The following OR5B21 variants were observed in gnomAD, a reference collection of about 807,000 sequenced individuals.
The protein encoded by OR5B21 is olfactory receptor family 5 subfamily B member 21.
For synonymous variants in OR5B21, 151 were observed against 143.3 expected, an observed-to-expected ratio of 1.05 and a Z score of -0.38; for missense variants, 372 against 375.7, an observed-to-expected ratio of 0.99 and a Z score of 0.08.
In OR5B21 at chr11:58,507,976, T is replaced by C. The variant is rs1853074524; in HGVS notation, c.130A>G (p.Met44Val). 1 of 1,614,064 alleles carries C rather than the reference T, an allele frequency of 6.2e-7. No homozygotes were observed. Among genetic ancestry groups the C allele is most frequent in the Non-Finnish European group, 8.5e-7 (1 of 1,179,990 alleles). ...TGGGAGTCTGAGTGGATGATCACCATCATTCCCCCATTCCCAAGCAGGGTG... is the reference window on the plus strand; with the variant it reads ...TGGGAGTCTGAGTGGATGATCACCACCATTCCCCCATTCCCAAGCAGGGTG... ...LITLLGNGGM[M>V]VIIHSDSHLH... Residue 44 changes from methionine to valine, a missense_variant, in exon 1 of 1, where the codon ATG (methionine) becomes GTG (valine). Coordinates refer to ENST00000360374, the MANE Select transcript of OR5B21 (RefSeq NM_001005218.3).
At position 58,507,983 on chromosome 11, in the gene OR5B21, C is replaced by T. The variant is rs1442115638; in HGVS notation, c.123G>A (p.Gly41=). The change falls in exon 1 of 1, where the codon GGG becomes GGA. Residue 41 remains glycine (G), a synonymous_variant. Transcript: ENST00000360374. ...FIYLITLLGN[G]GMMVIIHSDS... ...CTGAGTGGATGATCACCATCATTCC[C>T]CCATTCCCAAGCAGGGTGATGAGGT... The T allele has an allele frequency of 1.9e-6, 3 of 1,613,876 alleles. No individual in the cohort carries two copies. The highest frequency in any genetic ancestry group is 1.7e-6 in the Non-Finnish European group (2 of 1,179,986).
Position 58,507,756 on chromosome 11 carries a change from G to A in OR5B21, c.350C>T (p.Ala117Val), listed in dbSNP as rs1853069961. The A allele has an allele frequency of 6.2e-7, 1 of 1,614,148 alleles. No individual in the cohort carries two copies. The highest frequency in any genetic ancestry group is 8.5e-7 in the Non-Finnish European group (1 of 1,180,022). ...ACATACCGCTGCATGGCGATCATAG[G>A]CCATGGAGGCCAGGAGGTAGCACTC... ...TVECYLLASM[A>V]YDRHAAVCRP... The change falls in exon 1 of 1, where the codon GCC becomes GTC. Residue 117 changes from alanine (A) to valine (V), a missense_variant. Ala to Val is a moderately conservative substitution (Grantham distance 64). Transcript: ENST00000360374.
rs149670543 is a variant in OR5B21, at chr11:58,507,423, G to C, written c.683C>G (p.Ala228Gly). The C allele has an allele frequency of 5.6e-6, 9 of 1,614,104 alleles. No individual in the cohort carries two copies. Among genetic ancestry groups the C allele is most frequent in the Admixed American group, 1.7e-5 (1 of 59,994 alleles). The change falls in exon 1 of 1, where the codon GCT becomes GGT. Residue 228 changes from alanine (A) to glycine (G), a missense_variant. Coordinates refer to ENST00000360374, the MANE Select transcript of OR5B21 (RefSeq NM_001005218.3). The stretch of plus-strand genomic sequence containing the variant: ...GGAGAAGACTTTCTTCTGCCCTTCA[G>C]CAGAATGCATCCTCTGAATGGTGAT... The part of the protein sequence containing the change: ...ICITIQRMHS[A>G]EGQKKVFSTC...
At position 58,507,502 on chromosome 11, in the gene OR5B21, A is replaced by C. The variant is rs767417944; in HGVS notation, c.604T>G (p.Phe202Val). 1.9e-6 allele frequency: 3 copies of C among 1,614,148 alleles called. No individual in the cohort carries two copies. Among genetic ancestry groups the C allele is most frequent in the Non-Finnish European group, 2.5e-6 (3 of 1,180,016 alleles). Residue 202 changes from phenylalanine (F) to valine (V), a missense_variant, in exon 1 of 1, where the codon TTC becomes GTC. Phe to Val is a conservative substitution (Grantham distance 50, BLOSUM62 -1). Coordinates refer to ENST00000360374, the MANE Select transcript of OR5B21 (RefSeq NM_001005218.3). ...ACCAGGAGGGTGAAAAAGACGTTGAAGCCTGCCACAAAGACCACCAACTTG... is the reference window on the plus strand; with the variant it reads ...ACCAGGAGGGTGAAAAAGACGTTGACGCCTGCCACAAAGACCACCAACTTG... ...ISKLVVFVAG[F>V]NVFFTLLVIL... is the part of the protein sequence containing the mutation.
In OR5B21 at chr11:58,507,746, G is replaced by A. The variant is rs1565175871; in HGVS notation, c.360C>T (p.Arg120=). Residue 120 remains arginine, a synonymous_variant, in exon 1 of 1, where the codon CGC becomes CGT. Transcript: ENST00000360374. ...GAAGAGGCCTACATACCGCTGCATG[G>A]CGATCATAGGCCATGGAGGCCAGGA... ...CYLLASMAYD[R]HAAVCRPLHY... is the part of the protein sequence containing the mutation. The A allele has an allele frequency of 1.2e-6, 2 of 1,614,064 alleles. No individual in the cohort carries two copies. Among genetic ancestry groups the A allele is most frequent in the Non-Finnish European group, 1.7e-6 (2 of 1,180,048 alleles).
Position 58,507,072 on chromosome 11 carries a change from T to C in OR5B21, c.*104A>G. On this transcript the variant is annotated 3_prime_UTR_variant, in exon 1 of 1. Transcript: ENST00000360374. Reference sequence around the variant, plus strand: ...TAATAGCAGAAGTAACCGCTGTTCTTGGGGAAGAAAGAACTGAAACCAGTC... The same window carrying C: ...TAATAGCAGAAGTAACCGCTGTTCTCGGGGAAGAAAGAACTGAAACCAGTC... 1.3e-6 allele frequency: 1 copy of C among 784,344 alleles called. No homozygotes were observed. The highest frequency in any genetic ancestry group is 2.1e-6 in the Non-Finnish European group (1 of 473,552). The allele number at this position is 784,344 out of a possible 1,614,324, so 48.6% of individuals were successfully genotyped here.
At position 58,507,603 on chromosome 11, in the gene OR5B21, C is replaced by G. The variant is rs775709155; in HGVS notation, c.503G>C (p.Gly168Ala). ...GAAGAAATGATTAATCTCATTAGAA[C>G]CACAGAAGGAGAGTCTGAAGGTGCC... is the stretch of plus-strand genomic sequence containing the variant. ...AAGTFRLSFC[G>A]SNEINHFFCD... The change falls in exon 1 of 1, where the codon GGT becomes GCT. Residue 168 changes from glycine to alanine, a missense_variant. Gly to Ala is a moderately conservative substitution (Grantham distance 60). Coordinates refer to ENST00000360374, the MANE Select transcript of OR5B21 (RefSeq NM_001005218.3). The G allele has an allele frequency of 3.7e-6, 6 of 1,614,106 alleles. No homozygotes were observed. The highest frequency in any genetic ancestry group is 5.1e-6 in the Non-Finnish European group (6 of 1,180,022).
In OR5B21 at chr11:58,507,436, T is replaced by A; in HGVS notation, c.670A>T (p.Arg224Trp). The A allele has an allele frequency of 6.2e-7, 1 of 1,613,956 alleles. No homozygotes were observed. Among genetic ancestry groups the A allele is most frequent in the East Asian group, 2.2e-5 (1 of 44,878 alleles). The change falls in exon 1 of 1, where the codon AGG becomes TGG. Residue 224 changes from arginine (R) to tryptophan (W), a missense_variant. Transcript: ENST00000360374. ...SYFFICITIQ[R>W]MHSAEGQKKV... ...TTCTGCCCTTCAGCAGAATGCATCC[T>A]CTGAATGGTGATGCATATGAAGAAG...
At position 58,508,081 on chromosome 11, in the gene OR5B21, C is replaced by T. The variant is rs534806267; in HGVS notation, c.25G>A (p.Glu9Lys). 1.2e-6 allele frequency: 2 copies of T among 1,613,386 alleles called. No homozygotes were observed. The highest frequency in any genetic ancestry group is 4.5e-5 in the East Asian group (2 of 44,886). The change falls in exon 1 of 1, where the codon GAG (glutamate) becomes AAG (lysine). Residue 9 changes from glutamate to lysine, a missense_variant. Coordinates refer to ENST00000360374, the MANE Select transcript of OR5B21 (RefSeq NM_001005218.3). MENSTEVT[E>K]FILLGLTDDP... The stretch of plus-strand genomic sequence containing the variant: ...TCTGTTAATCCCAAGAGGATAAACT[C>T]TGTCACTTCTGTGCTATTCTCCATT...
In OR5B21 at chr11:58,507,401, G is replaced by C. The variant is rs1037580196; in HGVS notation, c.705C>G (p.Phe235Leu). ...CAGTGAGATGGGAAGCACAGGTGGA[G>C]AAGACTTTCTTCTGCCCTTCAGCAG... ...MHSAEGQKKV[F>L]STCASHLTAL... The change falls in exon 1 of 1, where the codon TTC becomes TTG. Residue 235 changes from phenylalanine to leucine, a missense_variant. Coordinates refer to ENST00000360374, the MANE Select transcript of OR5B21 (RefSeq NM_001005218.3). The C allele has an allele frequency of 5.6e-6, 9 of 1,614,024 alleles. No homozygotes were observed. The African/African-American group carries it at 1.2e-4, about 22-fold the overall frequency.
chr11:58,507,981 C>T lies in OR5B21; in HGVS notation c.125G>A (p.Gly42Glu), dbSNP rs1324366451. ...IYLITLLGNG[G>E]MMVIIHSDSH... ...GTCTGAGTGGATGATCACCATCATT[C>T]CCCCATTCCCAAGCAGGGTGATGAG... The change falls in exon 1 of 1, where the codon GGA (glycine) becomes GAA (glutamate). Residue 42 changes from glycine to glutamate, a missense_variant. Gly to Glu is a moderately conservative substitution (Grantham distance 98). Coordinates refer to ENST00000360374, the MANE Select transcript of OR5B21 (RefSeq NM_001005218.3). 9.3e-6 allele frequency: 15 copies of T among 1,613,866 alleles called. No homozygotes were observed. Among genetic ancestry groups the T allele is most frequent in the Non-Finnish European group, 1.3e-5 (15 of 1,179,972 alleles).
In OR5B21 at chr11:58,507,781, C is replaced by T. The variant is rs758501475; in HGVS notation, c.325G>A (p.Glu109Lys). The change falls in exon 1 of 1, where the codon GAG (glutamate) becomes AAG (lysine). Residue 109 changes from glutamate to lysine, a missense_variant. By Grantham distance (56) the Glu-to-Lys change is moderately conservative (BLOSUM62 1). Transcript: ENST00000360374. Reference protein sequence around the residue: ...FFFFVGFATVECYLLASMAYD... With the variant: ...FFFFVGFATVKCYLLASMAYD... Reference sequence around the variant, plus strand: ...GCCATGGAGGCCAGGAGGTAGCACTCAACAGTGGCAAACCCCACAAAGAAG... The same window carrying T: ...GCCATGGAGGCCAGGAGGTAGCACTTAACAGTGGCAAACCCCACAAAGAAG... The T allele has an allele frequency of 6.2e-7, 1 of 1,613,952 alleles. No homozygotes were observed. Among genetic ancestry groups the T allele is most frequent in the African/African-American group, 1.3e-5 (1 of 74,926 alleles).
At position 58,508,002 on chromosome 11, in the gene OR5B21, A is replaced by G. The variant is rs758601240; in HGVS notation, c.104T>C (p.Ile35Thr). 1.2e-6 allele frequency: 2 copies of G among 1,614,096 alleles called. No homozygotes were observed. Among genetic ancestry groups the G allele is most frequent in the Non-Finnish European group, 1.7e-6 (2 of 1,179,966 alleles). ...CATTCCCCCATTCCCAAGCAGGGTG[A>G]TGAGGTAGATGAATAAAAATGCCAG... ...LLLAFLFIYL[I>T]TLLGNGGMMV... Residue 35 changes from isoleucine (I) to threonine (T), a missense_variant, in exon 1 of 1, where the codon ATC becomes ACC. Coordinates refer to ENST00000360374, the MANE Select transcript of OR5B21 (RefSeq NM_001005218.3).
Position 58,507,595 on chromosome 11 carries a change from C to A in OR5B21, c.511G>T (p.Glu171Ter), listed in dbSNP as rs772036131. ...TFRLSFCGSN[E>*]INHFFCDIPP... ...ATGTCACAGAAGAAATGATTAATCTCATTAGAACCACAGAAGGAGAGTCTG... is the reference window on the plus strand; with the variant it reads ...ATGTCACAGAAGAAATGATTAATCTAATTAGAACCACAGAAGGAGAGTCTG... Residue 171 changes from glutamate (E) to a stop codon, truncating the protein, a stop_gained, in exon 1 of 1, where the codon GAG (glutamate) becomes TAG (stop). Transcript: ENST00000360374. LOFTEE classifies it low-confidence loss of function (END_TRUNC). 2.5e-6 allele frequency: 4 copies of A among 1,614,106 alleles called. No homozygotes were observed. In the East Asian group the frequency reaches 8.9e-5, roughly 36 times the overall value.
In OR5B21 at chr11:58,507,296, T is replaced by C. The variant is rs781007695; in HGVS notation, c.810A>G (p.Ile270Met). ...TCACCACTGTGTAAAACACAGAGGC[T>C]ATTTTGTCTGTGTCCACGGACTGGC... ...NSSQSVDTDKIASVFYTVVIP... is the reference protein window; with the variant it reads ...NSSQSVDTDKMASVFYTVVIP... The change falls in exon 1 of 1, where the codon ATA becomes ATG. Residue 270 changes from isoleucine to methionine, a missense_variant. Coordinates refer to ENST00000360374, the MANE Select transcript of OR5B21 (RefSeq NM_001005218.3). 6.2e-7 allele frequency: 1 copy of C among 1,614,008 alleles called. No individual in the cohort carries two copies. The highest frequency in any genetic ancestry group is 8.5e-7 in the Non-Finnish European group (1 of 1,179,860).
At position 58,507,779 on chromosome 11, in the gene OR5B21, C is replaced by T; in HGVS notation, c.327G>A (p.Glu109=). The T allele has an allele frequency of 6.2e-7, 1 of 1,614,114 alleles. No individual in the cohort carries two copies. Among genetic ancestry groups the T allele is most frequent in the Non-Finnish European group, 8.5e-7 (1 of 1,180,004 alleles). ...FFFFVGFATV[E]CYLLASMAYD... The stretch of plus-strand genomic sequence containing the variant: ...AGGCCATGGAGGCCAGGAGGTAGCA[C>T]TCAACAGTGGCAAACCCCACAAAGA... The change falls in exon 1 of 1, where the codon GAG becomes GAA. Residue 109 remains glutamate (E), a synonymous_variant. Coordinates refer to ENST00000360374, the MANE Select transcript of OR5B21 (RefSeq NM_001005218.3).
In OR5B21 at chr11:58,507,172, A is replaced by C; in HGVS notation, c.*4T>G. 6.3e-7 allele frequency: 1 copy of C among 1,583,482 alleles called. No individual in the cohort carries two copies. The highest frequency in any genetic ancestry group is 8.6e-7 in the Non-Finnish European group (1 of 1,158,336). ...TTAATTGCTTGCCTACTTCCCATTC[A>C]CATTTAATATTGGGGGTAAAGTTTG... is the stretch of plus-strand genomic sequence containing the variant. On this transcript the variant is annotated 3_prime_UTR_variant, in exon 1 of 1. Transcript: ENST00000360374.
At position 58,507,497 on chromosome 11, in the gene OR5B21, G is replaced by C. The variant is rs148982754; in HGVS notation, c.609C>G (p.Asn203Lys). 6.2e-7 allele frequency: 1 copy of C among 1,614,008 alleles called. No homozygotes were observed. The highest frequency in any genetic ancestry group is 8.5e-7 in the Non-Finnish European group (1 of 1,179,958). The change falls in exon 1 of 1, where the codon AAC becomes AAG. Residue 203 changes from asparagine (N) to lysine (K), a missense_variant. Physicochemically the swap from Asn to Lys is moderately conservative, Grantham distance 94. Transcript: ENST00000360374. The stretch of plus-strand genomic sequence containing the variant: ...GGATGACCAGGAGGGTGAAAAAGAC[G>C]TTGAAGCCTGCCACAAAGACCACCA... ...SKLVVFVAGFNVFFTLLVILI... is the reference protein window; with the variant it reads ...SKLVVFVAGFKVFFTLLVILI...
Position 58,507,786 on chromosome 11 carries a change from G to A in OR5B21, c.320C>T (p.Thr107Ile). The A allele has an allele frequency of 6.2e-7, 1 of 1,614,114 alleles. No homozygotes were observed. The highest frequency in any genetic ancestry group is 8.5e-7 in the Non-Finnish European group (1 of 1,179,998). The change falls in exon 1 of 1, where the codon ACT becomes ATT. Residue 107 changes from threonine to isoleucine, a missense_variant. Thr to Ile is a moderately conservative substitution (Grantham distance 89, BLOSUM62 -1). Coordinates refer to ENST00000360374, the MANE Select transcript of OR5B21 (RefSeq NM_001005218.3). Reference protein sequence around the residue: ...AQFFFFVGFATVECYLLASMA... With the variant: ...AQFFFFVGFAIVECYLLASMA... ...GGAGGCCAGGAGGTAGCACTCAACAGTGGCAAACCCCACAAAGAAGAAGAA... is the reference window on the plus strand; with the variant it reads ...GGAGGCCAGGAGGTAGCACTCAACAATGGCAAACCCCACAAAGAAGAAGAA...
Sources: gnomAD v4.1 joint callset for allele counts on GRCh38, gnomAD v4.1.1 for gene constraint, MANE v1.5 for transcripts, NCBI Gene and HGNC (gene_info 2026-07-23, HGNC 2026-07-21) for gene names.